CIZ1: variants seen among roughly 807,000 people sequenced by gnomAD.
The protein encoded by CIZ1 is CDKN1A interacting zinc finger protein 1.
Under a neutral mutation model 118.6 loss-of-function variants are expected in CIZ1, and 58 were observed. That is an observed-to-expected ratio of 0.49 (90% CI 0.40 to 0.61). The LOEUF (loss-of-function observed/expected upper bound fraction) is 0.61. Ranked by LOEUF, CIZ1 falls within the 20% of genes least tolerant of loss-of-function variation. The pLI is 0.00. For synonymous variants in CIZ1, 448 were observed against 443.4 expected (o/e 1.01, Z -0.13); for missense variants, 921 against 1,115.9 (o/e 0.83, Z 2.49).
rs117544688 is a variant in CIZ1, at chr9:128,178,153, G to A, written c.1620+216C>T. 1.8e-4 allele frequency among the ~76,000 whole-genome samples: 27 copies of A among 152,306 alleles called. No individual in the cohort carries two copies. In the East Asian group the frequency reaches 4.6e-3, roughly 26 times the overall value. ...GCTTGGGGATGGGCAGGCTGGAAGG[G>A]ACGGATGTGAAGACAGCACAACAGC... On this transcript the variant is annotated intron_variant, in intron 9 of 16. Transcript: ENST00000372938.
At chr9:128,188,405 G>T (rs941441951) in intron 3 of CIZ1, among the ~76,000 whole-genome samples, 5 of 152,192 alleles carry the variant, frequency 3.3e-5, no homozygotes, top group Admixed American at 3.3e-4. Flanking sequence ...TGGTGAGTGA[G>T]TCAACAGATG....
At chr9:128,177,445 C>A in intron 10 of CIZ1, 121 bp downstream of exon 10, 1 of 682,628 alleles carries the variant, frequency 1.5e-6, no homozygotes, top group East Asian at 3.0e-5. Context: ...GAAATGTTTC[C>A]CAAGCAAATG....
At chr9:128,173,388 A>G (rs898814173) in intron 11 of CIZ1, among the ~76,000 whole-genome samples, 1 of 149,756 alleles carries the variant, frequency 6.7e-6, no homozygotes, top group Non-Finnish European at 1.5e-5. Flanking sequence ...CTCATGATCC[A>G]CCCGCCTCAG....
intron 2 of CIZ1, 73 bp from the exon 3 acceptor site, chr9:128,190,517 C>G (rs1832999044): frequency 7.3e-7 from 1 of 1,377,132 alleles, no homozygotes; most frequent in Admixed American, 2.0e-5. Context: ...GGCTTCTCAC[C>G]TCCATTCTCT....
At chr9:128,189,824 CAAAAAAAAAAAA>C (rs56177059) in intron 3 of CIZ1, among the ~76,000 whole-genome samples, 18 of 42,276 alleles carry the variant, frequency 4.3e-4, no homozygotes, top group Admixed American at 1.2e-3. Context: ...AACTCTGTCT[CAAAAAAAAAAAA>C]AAAAAAAAAA....
chr9:128,190,797 G>T lies in CIZ1; in HGVS notation c.61C>A (p.Gln21Lys). The T allele has an allele frequency of 6.5e-7, 1 of 1,541,374 alleles. No individual in the cohort carries two copies. Residue 21 changes from glutamine to lysine, a missense_variant, in exon 2 of 17, where the codon CAG becomes AAG. Coordinates refer to ENST00000372938, the MANE Select transcript of CIZ1 (RefSeq NM_001131016.2). ...QQQQQQLQQLQQQQLQQQQLQ... is the reference protein window; with the variant it reads ...QQQQQQLQQLKQQQLQQQQLQ... ...TGCTGCTGCTGGAGCTGCTGCTGCT[G>T]TAACTGCTGGAGCTGCTGCTGCTGT...
chr9:128,194,382 A>AG (rs1218002142), upstream of CIZ1, among the ~76,000 whole-genome samples: 1 of 150,676 alleles, frequency 6.6e-6, no homozygotes, highest in East Asian at 2.0e-4. Context: ...AAAAAAAAAA[A>AG]GAATCTTGCA....
Position 128,203,511 on chromosome 9 carries a change from A to G in CIZ1, c.-6+675T>C. 1 of 1,539,342 alleles carries G rather than the reference A, an allele frequency of 6.5e-7. No homozygotes were observed. The highest frequency in any genetic ancestry group is 2.7e-5 in the East Asian group (1 of 36,676). ...ATGGAAGATCTCATCCCGCTGGTCA[A>G]CCGGCTGCAAGACGCCTTCTCTGCC... On this transcript the variant is annotated intron_variant, in intron 1 of 17. Coordinates refer to the CIZ1 transcript ENST00000372948. The surrounding 1 kb of genome is among the most constrained non-coding windows in gnomAD (Gnocchi z 5.3).
chr9:128,188,187 C>T (rs1478111114), intron 3 of CIZ1, among the ~76,000 whole-genome samples: 1 of 146,852 alleles, frequency 6.8e-6, no homozygotes, highest in Admixed American at 6.8e-5. Context: ...CCCTCTGGTG[C>T]AATATTAAAC....
At chr9:128,195,665 T>C (rs1379471537), upstream of CIZ1, among the ~76,000 whole-genome samples, 1 of 152,162 alleles carries the variant, frequency 6.6e-6, no homozygotes, top group African/African-American at 2.4e-5. Context: ...TCCCTTCTCA[T>C]GGACTCTATC....
chr9:128,174,128 G>T (rs1830572700), intron 11 of CIZ1, among the ~76,000 whole-genome samples: 1 of 152,136 alleles, frequency 6.6e-6, no homozygotes. Flanking sequence ...CCACCAGCTA[G>T]GGTATTGGGA....
At chr9:128,182,992 G>A (rs1328114173) in intron 5 of CIZ1, among the ~76,000 whole-genome samples, 1 of 152,062 alleles carries the variant, frequency 6.6e-6, no homozygotes, top group African/African-American at 2.4e-5. Context: ...CCCCATTCCT[G>A]TCCAAGACCT....
At position 128,166,927 on chromosome 9, in the gene CIZ1, G is replaced by T; in HGVS notation, c.2366-47C>A. 1 of 1,613,716 alleles carries T rather than the reference G, an allele frequency of 6.2e-7. No homozygotes were observed. Among genetic ancestry groups the T allele is most frequent in the East Asian group, 2.2e-5 (1 of 44,880 alleles). On this transcript the variant is annotated intron_variant, in intron 15 of 16. Transcript: ENST00000372938. The surrounding 1 kb of genome is among the most constrained non-coding windows in gnomAD (Gnocchi z 4.4). ...TCTGCACTCACATCCCTGTACCAGC[G>T]AGGTGTCCCTCCCTCTCTAGGGGCC...
Position 128,178,918 on chromosome 9 carries a change from T to G in CIZ1, c.1289A>C (p.Gln430Pro). 1 of 1,614,260 alleles carries G rather than the reference T, an allele frequency of 6.2e-7. No homozygotes were observed. Among genetic ancestry groups the G allele is most frequent in the Non-Finnish European group, 8.5e-7 (1 of 1,180,042 alleles). Residue 430 changes from glutamine (Q) to proline (P), a missense_variant, in exon 8 of 17, where the codon CAG (glutamine) becomes CCG (proline). By Grantham distance (76) the Gln-to-Pro change is moderately conservative. Transcript: ENST00000372938. ...CTGTGTGTGGACCTGTGGATATGTC[T>G]GTGTCTGGACCTGCTTCTGCAGCTG... ...QLQLQKQVQT[Q>P]TYPQVHTQAQ...
intron 11 of CIZ1, among the ~76,000 whole-genome samples, chr9:128,170,561 G>A (rs1292030512): frequency 6.6e-6 from 1 of 152,164 alleles, no homozygotes; most frequent in African/African-American, 2.4e-5. Flanking sequence ...AGGCTGGGGT[G>A]GGAGGATGGC....
intron 11 of CIZ1, 85 bp downstream of exon 11, chr9:128,176,266 G>A: frequency 1.9e-6 from 3 of 1,544,672 alleles, no homozygotes; most frequent in Non-Finnish European, 2.6e-6. Context: ...TAACCCAAAG[G>A]TAAACCCTGC....
intron 11 of CIZ1, among the ~76,000 whole-genome samples, chr9:128,171,266 T>C (rs1308161312): frequency 6.6e-6 from 1 of 150,948 alleles, no homozygotes; most frequent in Non-Finnish European, 1.5e-5. Flanking sequence ...ATCTTGTCTC[T>C]ATATAAAATA....
chr9:128,178,483 T>C lies in CIZ1; in HGVS notation c.1506A>G (p.Glu502=). 2 of 1,614,188 alleles carry C rather than the reference T, an allele frequency of 1.2e-6. No individual in the cohort carries two copies. Among genetic ancestry groups the C allele is most frequent in the South Asian group, 1.1e-5 (1 of 91,084 alleles). Residue 502 remains glutamate (E), a synonymous_variant, in exon 9 of 17, where the codon GAA becomes GAG. Transcript: ENST00000372938. ...PDAVEAGGGM[E]KTLPEPVGTQ... ...TGCCCACAGGCTCTGGCAAGGTCTTTTCCATGCCTGAAATGACAGATGTGC... is the reference window on the plus strand; with the variant it reads ...TGCCCACAGGCTCTGGCAAGGTCTTCTCCATGCCTGAAATGACAGATGTGC...
chr9:128,175,485 G>GC (rs1349208577), intron 11 of CIZ1, among the ~76,000 whole-genome samples: 2 of 152,264 alleles, frequency 1.3e-5, no homozygotes, highest in East Asian at 3.9e-4. Context: ...CACAAGGCAG[G>GC]CAAGCGGAGG....
Sources: gnomAD v4.1 joint callset for allele counts (sites outside exome capture counted in the v4.1 genomes callset) on GRCh38, gnomAD v4.1.1 for gene constraint, Gnocchi (gnomAD v3.1) non-coding constraint, MANE v1.5 for transcripts, NCBI Gene and HGNC (gene_info 2026-07-23, HGNC 2026-07-21) for gene names.